The following PRKAR2B variants were observed in gnomAD, a reference collection of about 807,000 sequenced individuals.
PRKAR2B encodes protein kinase cAMP-dependent type II regulatory subunit beta, also known as cAMP-dependent protein kinase type II-beta regulatory subunit.
In PRKAR2B, 14 loss-of-function variants were observed where a neutral mutation model predicts 49.9. The observed-to-expected ratio is 0.28, with a 90% CI of 0.19 to 0.44. The LOEUF (loss-of-function observed/expected upper bound fraction) is 0.44, where lower values mean the gene tolerates loss of function less well. Among genes scored for constraint, PRKAR2B ranks in the 20% least tolerant of loss-of-function variants. The pLI, the probability that PRKAR2B is intolerant of heterozygous loss-of-function variation, is 1.00. For missense variants in PRKAR2B, 393 were observed against 537.9 expected (o/e 0.73, Z 2.67); for synonymous variants, 196 against 197.7 (o/e 0.99, Z 0.07).
At chr7:107,060,481 G>A (rs1361801221) in intron 1 of PRKAR2B, among the ~76,000 whole-genome samples, 1 of 152,168 alleles carries the variant, frequency 6.6e-6, no homozygotes, top group Non-Finnish European at 1.5e-5. Flanking sequence ...CTTATTGCTA[G>A]TGACATTGAA....
intron 2 of PRKAR2B, among the ~76,000 whole-genome samples, chr7:107,109,283 A>G (rs1276072703): frequency 6.6e-6 from 1 of 152,046 alleles, no homozygotes; most frequent in Non-Finnish European, 1.5e-5. Context: ...TTTAAGAGAC[A>G]GGTTTTCACT....
chr7:107,071,118 A>T (rs776785044), intron 2 of PRKAR2B, among the ~76,000 whole-genome samples: 1 of 152,202 alleles, frequency 6.6e-6, no homozygotes, highest in African/African-American at 2.4e-5. Context: ...TAAGAGGACA[A>T]ATGAAGTGAG....
chr7:107,145,610 G>A (rs776528858), intron 5 of PRKAR2B, among the ~76,000 whole-genome samples: 1 of 151,900 alleles, frequency 6.6e-6, no homozygotes, highest in Non-Finnish European at 1.5e-5. Flanking sequence ...ATAGAGATGG[G>A]ATCTTGCTAT....
intron 1 of PRKAR2B, among the ~76,000 whole-genome samples, chr7:107,051,128 A>AT (rs1793792174): frequency 6.6e-6 from 1 of 152,210 alleles, no homozygotes; most frequent in African/African-American, 2.4e-5. Flanking sequence ...GGCCTTATAA[A>AT]TTTGAGTTTG....
chr7:107,076,965 C>T (rs557804331), intron 2 of PRKAR2B, among the ~76,000 whole-genome samples: 3 of 152,102 alleles, frequency 2.0e-5, no homozygotes, highest in South Asian at 2.1e-4. Flanking sequence ...CCTTGATTCA[C>T]GGAACATATG....
At chr7:107,077,609 C>G (rs1421488174) in intron 2 of PRKAR2B, among the ~76,000 whole-genome samples, 4 of 152,176 alleles carry the variant, frequency 2.6e-5, no homozygotes, top group Non-Finnish European at 4.4e-5. Context: ...ATGGAGTGAG[C>G]AGATGCCCAC....
At chr7:107,054,010 A>G (rs1793860865) in intron 1 of PRKAR2B, among the ~76,000 whole-genome samples, 1 of 152,244 alleles carries the variant, frequency 6.6e-6, no homozygotes, top group Non-Finnish European at 1.5e-5. Flanking sequence ...GTAAAAATAC[A>G]TGAAAGAAAG....
At chr7:107,143,976 A>T (rs1274246481) in intron 5 of PRKAR2B, among the ~76,000 whole-genome samples, 1 of 152,184 alleles carries the variant, frequency 6.6e-6, no homozygotes, top group African/African-American at 2.4e-5. Context: ...AAAAATGATT[A>T]TCCATGGGAC....
At chr7:107,124,822 C>T (rs185865887) in intron 3 of PRKAR2B, among the ~76,000 whole-genome samples, 73 of 151,938 alleles carry the variant, frequency 4.8e-4, no homozygotes, top group Non-Finnish European at 9.3e-4. Flanking sequence ...AAATTTAGAG[C>T]AGAAGTTGGC....
intron 2 of PRKAR2B, among the ~76,000 whole-genome samples, chr7:107,079,287 TG>T (rs1794468859): frequency 1.3e-5 from 2 of 152,130 alleles, no homozygotes; most frequent in Non-Finnish European, 2.9e-5. Flanking sequence ...TTGCTATAAT[TG>T]TATCTAAACA....
intron 2 of PRKAR2B, among the ~76,000 whole-genome samples, chr7:107,089,635 G>A (rs1794682489): frequency 6.6e-6 from 1 of 152,072 alleles, no homozygotes; most frequent in African/African-American, 2.4e-5. Flanking sequence ...AAACAATAAA[G>A]CTATTTATAA....
At chr7:107,063,015 T>G (rs564097247) in intron 1 of PRKAR2B, among the ~76,000 whole-genome samples, 1 of 152,210 alleles carries the variant, frequency 6.6e-6, no homozygotes, top group Non-Finnish European at 1.5e-5. Flanking sequence ...ATTTGCTGTT[T>G]TTTTTTGAAA....
In PRKAR2B at chr7:107,070,314, C is replaced by T; in HGVS notation, c.341C>T (p.Ser114Leu). ...ATAAACCGATTCACAAGGCGTGCCT[C>T]AGGTAAGTCTGATTATATTATGGAT... ...PVINRFTRRA[S>L]VCAEAYNPDE... is the part of the protein sequence containing the mutation. The change falls in exon 2 of 11, where the codon TCA becomes TTA. Residue 114 changes from serine (S) to leucine (L), a missense_variant and splice_region_variant. Physicochemically the swap from Ser to Leu is moderately radical, Grantham distance 145. Around this residue, in one of 2 missense-constraint regions of PRKAR2B, gnomAD observed 233 missense variants for 390.4 expected, o/e 0.60. Coordinates refer to ENST00000265717, the MANE Select transcript of PRKAR2B (RefSeq NM_002736.3). 1 of 1,603,238 alleles carries T rather than the reference C, an allele frequency of 6.2e-7. No individual in the cohort carries two copies. Among genetic ancestry groups the T allele is most frequent in the Non-Finnish European group, 8.5e-7 (1 of 1,171,902 alleles).
At chr7:107,115,403 ATATATT>A (rs1224587026) in intron 2 of PRKAR2B, among the ~76,000 whole-genome samples, 1 of 152,188 alleles carries the variant, frequency 6.6e-6, no homozygotes, top group Non-Finnish European at 1.5e-5. Flanking sequence ...AAGGTAAAAG[ATATATT>A]TATATTGCGT....
chr7:107,157,161 C>G, intron 9 of PRKAR2B, 25 bp from the exon 10 acceptor site: 2 of 1,608,350 alleles, frequency 1.2e-6, no homozygotes, highest in Non-Finnish European at 1.7e-6. Context: ...TGAGGAAAAG[C>G]TCATCTTTTT....
intron 2 of PRKAR2B, among the ~76,000 whole-genome samples, chr7:107,072,270 G>A (rs962023557): frequency 6.6e-6 from 1 of 151,820 alleles, no homozygotes; most frequent in African/African-American, 2.4e-5. Flanking sequence ...CAGGAGTCAC[G>A]CTGTATACAG....
intron 3 of PRKAR2B, among the ~76,000 whole-genome samples, chr7:107,124,264 G>T (rs2115592108): frequency 6.6e-6 from 1 of 152,308 alleles, no homozygotes; most frequent in Non-Finnish European, 1.5e-5. Context: ...GAAACTGGTA[G>T]AGAAGAGCTA....
At chr7:107,145,618 T>C (rs1051324433) in intron 5 of PRKAR2B, among the ~76,000 whole-genome samples, 1 of 152,100 alleles carries the variant, frequency 6.6e-6, no homozygotes, top group Non-Finnish European at 1.5e-5. Flanking sequence ...GGGATCTTGC[T>C]ATGTTGCCCA....
intron 2 of PRKAR2B, among the ~76,000 whole-genome samples, chr7:107,097,905 G>A (rs1322414674): frequency 6.6e-6 from 1 of 151,998 alleles, no homozygotes; most frequent in Non-Finnish European, 1.5e-5. Context: ...GCTTCCCTTT[G>A]TGGGTAACCC....
Sources: gnomAD v4.1 joint callset for allele counts (sites outside exome capture counted in the v4.1 genomes callset) on GRCh38, gnomAD v4.1.1 for gene constraint, gnomAD v4.1.1 regional missense constraint, MANE v1.5 for transcripts, NCBI Gene and HGNC (gene_info 2026-07-23, HGNC 2026-07-21) for gene names.